Variants in SLC2A9 observed in about 807,000 individuals in gnomAD.
The protein encoded by SLC2A9 is solute carrier family 2 member 9, also known as solute carrier family 2, facilitated glucose transporter member 9.
A neutral mutation model predicts 50.6 loss-of-function variants in SLC2A9; 39 were observed. The ratio of observed to expected loss-of-function variants is 0.77; its 90% CI spans 0.60 to 1.01. The LOEUF is 1.01. SLC2A9 is among the 50% of genes least tolerant of loss of function. The probability of loss-of-function intolerance (pLI) is 0.00; values close to 1 mark genes in which losing one functional copy is unlikely to be tolerated. For missense variants in SLC2A9, 686 were observed against 677.6 expected (o/e 1.01, Z -0.14); for synonymous variants, 324 against 276.9 (o/e 1.17, Z -1.69).
In SLC2A9 at chr4:9,800,163, T is replaced by C. The variant is rs180881388; in HGVS notation, n.421-922A>G. On this transcript the variant is annotated intron_variant and non_coding_transcript_variant, in intron 3 of 3. Coordinates refer to the SLC2A9 transcript ENST00000503280. ...CCTCAGTATCCCTGCCAAGCTCAGT[T>C]ACTGGCTAGAAGCAGCTTGAGTGAA... is the stretch of plus-strand genomic sequence containing the variant. 2.4e-3 allele frequency among the ~76,000 whole-genome samples: 358 copies of C among 152,314 alleles called. 1 individual carries two copies. Among genetic ancestry groups the C allele is most frequent in the Non-Finnish European group, 3.8e-3 (260 of 68,012 alleles).
intron 11 of SLC2A9, among the ~76,000 whole-genome samples, chr4:9,827,685 G>A (rs1725359202): frequency 6.6e-6 from 1 of 152,132 alleles, no homozygotes; most frequent in Non-Finnish European, 1.5e-5. Flanking sequence ...GTTGTTGTAT[G>A]AATTAAATGA....
chr4:9,779,143 G>A (rs753053506), downstream of SLC2A9, among the ~76,000 whole-genome samples: 4 of 152,076 alleles, frequency 2.6e-5, no homozygotes, highest in Non-Finnish European at 5.9e-5. Flanking sequence ...GAGATCAAGC[G>A]ACCTGCCCAA....
chr4:9,857,979 C>A (rs1730994037), intron 10 of SLC2A9, among the ~76,000 whole-genome samples: 2 of 152,332 alleles, frequency 1.3e-5, no homozygotes. Context: ...ATTGTCCCAG[C>A]TTTAAAAATA....
chr4:9,981,576 A>T (rs947677943), intron 4 of SLC2A9, among the ~76,000 whole-genome samples: 3 of 152,186 alleles, frequency 2.0e-5, no homozygotes, highest in African/African-American at 4.8e-5. Context: ...AGAGATGTTT[A>T]AAAAAATTAT....
At chr4:10,015,607 T>G (rs2109486926) in intron 2 of SLC2A9, among the ~76,000 whole-genome samples, 1 of 152,158 alleles carries the variant, frequency 6.6e-6, no homozygotes, top group African/African-American at 2.4e-5. Context: ...TTAGCAGAGG[T>G]CATGGGGGCG....
chr4:9,857,487 C>T (rs951699391), intron 10 of SLC2A9, among the ~76,000 whole-genome samples: 3 of 152,200 alleles, frequency 2.0e-5, no homozygotes, highest in Admixed American at 6.5e-5. Context: ...TCTTCCCTCA[C>T]CATCTCAGGC....
chr4:9,835,886 A>C (rs1000364712), intron 10 of SLC2A9, among the ~76,000 whole-genome samples: 2 of 152,104 alleles, frequency 1.3e-5, no homozygotes, highest in African/African-American at 4.8e-5. Flanking sequence ...CAGGAGTTTG[A>C]GACCAGCCTG....
chr4:10,034,217 A>G (rs1764025791), intron 1 of SLC2A9: 1 of 152,284 alleles, frequency 6.6e-6, no homozygotes, highest in Admixed American at 6.5e-5. Flanking sequence ...TGAAGCATAC[A>G]TTCAATACAC....
In SLC2A9 at chr4:9,897,368, G is replaced by A. The variant is rs547665151; in HGVS notation, c.1114-6657C>T. ...CTGCCCTTGGGGAGCTTTATGGGCT[G>A]AATTGCATTCTCTCAAAAAAGGAAA... On this transcript the variant is annotated intron_variant, in intron 8 of 11. Coordinates refer to ENST00000264784, the MANE Select transcript of SLC2A9 (RefSeq NM_020041.3). 2.0e-5 allele frequency among the ~76,000 whole-genome samples: 3 copies of A among 152,248 alleles called. No individual in the cohort carries two copies. In the South Asian group the frequency reaches 6.2e-4, roughly 32 times the overall value.
At chr4:9,849,032 G>A (rs953541832) in intron 10 of SLC2A9, among the ~76,000 whole-genome samples, 1 of 152,208 alleles carries the variant, frequency 6.6e-6, no homozygotes. Flanking sequence ...AGGAGATGGA[G>A]GGCTAACCAG....
downstream of SLC2A9, among the ~76,000 whole-genome samples, chr4:9,794,904 T>C (rs1720398653): frequency 6.6e-6 from 1 of 151,672 alleles, no homozygotes; most frequent in Non-Finnish European, 1.5e-5. Context: ...AGAGCAGAGG[T>C]CTGGGTTTGG....
At chr4:9,772,823 T>TA (rs1491225484) in intron 1 of SLC2A9, among the ~76,000 whole-genome samples, 10 of 62,478 alleles carry the variant, frequency 1.6e-4, no homozygotes, top group South Asian at 4.6e-4. Context: ...ATTTTTTTTT[T>TA]TATTTTTTTT....
At chr4:9,991,575 T>A (rs962956719) in intron 3 of SLC2A9, among the ~76,000 whole-genome samples, 1 of 152,000 alleles carries the variant, frequency 6.6e-6, no homozygotes, top group African/African-American at 2.4e-5. Flanking sequence ...AGAGAGAGAT[T>A]TGGATTTTTT....
intron 6 of SLC2A9, among the ~76,000 whole-genome samples, chr4:9,927,225 C>CA (rs1248071566): frequency 6.6e-6 from 1 of 152,152 alleles, no homozygotes; most frequent in Non-Finnish European, 1.5e-5. Context: ...CCATGTTGGT[C>CA]AGGCTGGTCT....
At chr4:9,827,775 C>T (rs746900495) in intron 11 of SLC2A9, among the ~76,000 whole-genome samples, 28 of 152,136 alleles carry the variant, frequency 1.8e-4, no homozygotes, top group Non-Finnish European at 4.0e-4. Flanking sequence ...GCCTTCTGCT[C>T]GTACAAAGAC....
chr4:9,999,431 A>T (rs540243625), intron 2 of SLC2A9, among the ~76,000 whole-genome samples: 5 of 152,148 alleles, frequency 3.3e-5, no homozygotes, highest in Non-Finnish European at 5.9e-5. Context: ...ATATGTGTGT[A>T]TTTTATATAC....
At chr4:9,872,558 C>T (rs914683302) in intron 10 of SLC2A9, among the ~76,000 whole-genome samples, 8 of 152,186 alleles carry the variant, frequency 5.3e-5, no homozygotes, top group Non-Finnish European at 1.2e-4. Flanking sequence ...TATCCAAATC[C>T]TATTTCCTGT....
intron 10 of SLC2A9, among the ~76,000 whole-genome samples, chr4:9,871,152 T>C (rs752771968): frequency 6.6e-6 from 1 of 152,146 alleles, no homozygotes; most frequent in Non-Finnish European, 1.5e-5. Flanking sequence ...ACCATAACCT[T>C]GGCAGGCAGC....
chr4:9,782,849 A>G, intron 3 of SLC2A9: 1 of 1,612,604 alleles, frequency 6.2e-7, no homozygotes, highest in Non-Finnish European at 8.5e-7. Context: ...GAGCTGCCGG[A>G]GCAGCGCAGC....
Sources: gnomAD v4.1 joint callset for allele counts (sites outside exome capture counted in the v4.1 genomes callset) on GRCh38, gnomAD v4.1.1 for gene constraint, MANE v1.5 for transcripts, NCBI Gene and HGNC (gene_info 2026-07-23, HGNC 2026-07-21) for gene names.